Variants in EPHA6 observed in about 807,000 individuals in gnomAD.
EPHA6 encodes the protein ephrin type-A receptor 6.
In EPHA6, 50 loss-of-function variants were observed where a neutral mutation model predicts 112.0. That is an observed-to-expected ratio of 0.45 (90% CI 0.36 to 0.56). The LOEUF is 0.56. Among genes scored for constraint, EPHA6 ranks in the 20% least tolerant of loss-of-function variants. The pLI, the probability that EPHA6 is intolerant of heterozygous loss-of-function variation, is 0.00. For missense variants in EPHA6, 1,280 were observed against 1,417.4 expected, an observed-to-expected ratio of 0.90 and a Z score of 1.56; for synonymous variants, 529 against 490.7, an observed-to-expected ratio of 1.08 and a Z score of -1.03.
At chr3:97,618,005 C>A (rs2093780911) in intron 13 of EPHA6, among the ~76,000 whole-genome samples, 1 of 152,044 alleles carries the variant, frequency 6.6e-6, no homozygotes, top group South Asian at 2.1e-4. Context: ...ATGGCACTTA[C>A]TCTAAAATTG....
rs59747272 is a variant in EPHA6 at position 97,346,667 on chromosome 3, A to ATTT, written c.1607-58471_1607-58469dup. Among the ~76,000 whole-genome samples the ATTT allele has an allele frequency of 2.9e-3, 423 of 145,780 alleles. 2 individuals are homozygous for ATTT. The highest frequency in any genetic ancestry group is 0.01 in the African/African-American group (408 of 40,258). On this transcript the variant is annotated intron_variant, in intron 5 of 17. Transcript: ENST00000389672. The stretch of plus-strand genomic sequence containing the variant: ...CCAACGTGTATACATCAGATGTTCA[A>ATTT]TTTTTTTTTTTTTTGTCAAAACCTA...
intron 10 of EPHA6, among the ~76,000 whole-genome samples, chr3:97,502,761 G>A (rs1038554496): frequency 2.1e-5 from 3 of 143,314 alleles, no homozygotes; most frequent in African/African-American, 5.2e-5. Flanking sequence ...TTGAACCAGC[G>A]AGGTGGAGGT....
At chr3:97,598,144 TTTA>T (rs1159608738) in intron 12 of EPHA6, among the ~76,000 whole-genome samples, 8 of 151,994 alleles carry the variant, frequency 5.3e-5, no homozygotes, top group African/African-American at 1.9e-4. Context: ...TTTTATTTTT[TTTA>T]TTTTTTATTT....
chr3:97,002,783 C>T (rs1273033350), intron 3 of EPHA6, among the ~76,000 whole-genome samples: 1 of 151,776 alleles, frequency 6.6e-6, no homozygotes, highest in Non-Finnish European at 1.5e-5. Context: ...TATAAAATAA[C>T]AAATGCATTG....
intron 2 of EPHA6, among the ~76,000 whole-genome samples, chr3:96,954,634 C>A (rs1480072802): frequency 6.6e-6 from 1 of 152,104 alleles, no homozygotes; most frequent in Non-Finnish European, 1.5e-5. Flanking sequence ...GTTTACCTAA[C>A]CTCACTTTAT....
intron 2 of EPHA6, among the ~76,000 whole-genome samples, chr3:96,878,277 A>G (rs2037095040): frequency 6.6e-6 from 1 of 151,916 alleles, no homozygotes; most frequent in Non-Finnish European, 1.5e-5. Context: ...GGCACATTAG[A>G]AGACATGAAT....
At chr3:97,193,903 T>C (rs1487278198) in intron 3 of EPHA6, among the ~76,000 whole-genome samples, 1 of 152,106 alleles carries the variant, frequency 6.6e-6, no homozygotes, top group Non-Finnish European at 1.5e-5. Flanking sequence ...AATGATCACG[T>C]TTTTTGTCTT....
chr3:97,517,186 G>A (rs1343981903), intron 10 of EPHA6, among the ~76,000 whole-genome samples: 1 of 152,098 alleles, frequency 6.6e-6, no homozygotes, highest in Non-Finnish European at 1.5e-5. Context: ...TGTGTAGTAA[G>A]TATATTAATA....
chr3:97,439,348 A>G (rs898166977), intron 6 of EPHA6, among the ~76,000 whole-genome samples: 3 of 152,166 alleles, frequency 2.0e-5, no homozygotes, highest in African/African-American at 7.2e-5. Context: ...AACTACTTCT[A>G]CATTTTTCTT....
intron 2 of EPHA6, among the ~76,000 whole-genome samples, chr3:96,911,268 C>T (rs978994321): frequency 2.0e-5 from 3 of 151,908 alleles, no homozygotes; most frequent in Non-Finnish European, 4.4e-5. Context: ...TGAGTATAGT[C>T]AGAAAGTTGA....
At chr3:96,905,246 A>C (rs937658702) in intron 2 of EPHA6, among the ~76,000 whole-genome samples, 2 of 152,096 alleles carry the variant, frequency 1.3e-5, no homozygotes, top group Non-Finnish European at 2.9e-5. Context: ...TGGGTCTGTT[A>C]AAAACCGAGT....
At chr3:97,633,051 C>G (rs1490242842) in intron 13 of EPHA6, among the ~76,000 whole-genome samples, 1 of 152,072 alleles carries the variant, frequency 6.6e-6, no homozygotes, top group Non-Finnish European at 1.5e-5. Flanking sequence ...GAAGCAGCGC[C>G]TTGACAACCA....
chr3:96,929,419 G>A (rs2040202855), intron 2 of EPHA6, among the ~76,000 whole-genome samples: 1 of 152,126 alleles, frequency 6.6e-6, no homozygotes, highest in South Asian at 2.1e-4. Context: ...CCCTTGCAAG[G>A]CAGGTCACAT....
chr3:97,481,491 T>C (rs2091542803), intron 9 of EPHA6: 1 of 1,139,432 alleles, frequency 8.8e-7, no homozygotes, highest in African/African-American at 1.5e-5. Context: ...GCACAAACCA[T>C]AGTTCCGGTT....
intron 3 of EPHA6, among the ~76,000 whole-genome samples, chr3:97,003,709 G>A (rs763663081): frequency 1.3e-5 from 2 of 151,798 alleles, no homozygotes; most frequent in Non-Finnish European, 2.9e-5. Flanking sequence ...TGCAGAACAC[G>A]CAGATTTGTT....
rs10544034 is a variant in EPHA6, at chr3:97,067,537, A to AATATATATAT, written c.1114+79554_1114+79563dup. Among the ~76,000 whole-genome samples the AATATATATAT allele has an allele frequency of 4.3e-3, 638 of 148,068 alleles. 4 individuals are homozygous for AATATATATAT. The highest frequency in any genetic ancestry group is 0.014 in the African/African-American group (573 of 40,470). On this transcript the variant is annotated intron_variant, in intron 3 of 17. Coordinates refer to ENST00000389672, the MANE Select transcript of EPHA6 (RefSeq NM_001080448.3). ...TGATTGAGACTGAAATTATCAGGAAAATATATATATATATATATACCAAAG... is the reference window on the plus strand; with the variant it reads ...TGATTGAGACTGAAATTATCAGGAAAATATATATATATATATATATATATATATACCAAAG...
chr3:97,032,089 C>CAT (rs1466988493), intron 3 of EPHA6, among the ~76,000 whole-genome samples: 3 of 152,062 alleles, frequency 2.0e-5, no homozygotes, highest in Non-Finnish European at 2.9e-5. Context: ...AAATGTGGCA[C>CAT]ATATACACCA....
At chr3:97,128,863 T>A (rs563474681) in intron 3 of EPHA6, among the ~76,000 whole-genome samples, 4 of 141,928 alleles carry the variant, frequency 2.8e-5, no homozygotes, top group African/African-American at 1.1e-4. Flanking sequence ...ACTACCTGAA[T>A]TTTTATGTCT....
intron 11 of EPHA6, among the ~76,000 whole-genome samples, chr3:97,560,034 G>GA (rs980397780): frequency 2.2e-4 from 32 of 147,800 alleles, no homozygotes; most frequent in Admixed American, 6.1e-4. Flanking sequence ...CCATTAAAAA[G>GA]AAAAAAAAGA....
Sources: gnomAD v4.1 joint callset for allele counts (sites outside exome capture counted in the v4.1 genomes callset) on GRCh38, gnomAD v4.1.1 for gene constraint, MANE v1.5 for transcripts, NCBI Gene and HGNC (gene_info 2026-07-23, HGNC 2026-07-21) for gene names.